Variants in EDAR observed in about 807,000 individuals in gnomAD.
EDAR encodes ectodysplasin A receptor.
Under a neutral mutation model 51.3 loss-of-function variants are expected in EDAR, and 38 were observed. The ratio of observed to expected loss-of-function variants is 0.74; its 90% confidence interval spans 0.57 to 0.97. The LOEUF is 0.97. Ranked by LOEUF, EDAR falls within the 50% of genes least tolerant of loss-of-function variation. The pLI is 0.00. For missense variants in EDAR, 528 were observed against 595.0 expected (o/e 0.89, Z 1.17); for synonymous variants, 227 against 242.1 (o/e 0.94, Z 0.58).
At chr2:108,962,194 A>G (rs1158237214) in intron 1 of EDAR, among the ~76,000 whole-genome samples, 1 of 152,212 alleles carries the variant, frequency 6.6e-6, no homozygotes, top group Non-Finnish European at 1.5e-5. Context: ...CAGATGGCGC[A>G]TTGCAGATTG....
At chr2:108,930,710 A>T (rs1039417645) in intron 2 of EDAR, among the ~76,000 whole-genome samples, 1 of 152,130 alleles carries the variant, frequency 6.6e-6, no homozygotes, top group Non-Finnish European at 1.5e-5. Context: ...TGTGTGTATC[A>T]CACCACAAAC....
chr2:108,986,348 G>A (rs1236752911), intron 1 of EDAR, among the ~76,000 whole-genome samples: 1 of 152,132 alleles, frequency 6.6e-6, no homozygotes, highest in East Asian at 1.9e-4. Flanking sequence ...GTGTGTCTGG[G>A]GCTGACACGA....
At chr2:108,911,345 G>C (rs1041083121) in intron 6 of EDAR, among the ~76,000 whole-genome samples, 1 of 152,158 alleles carries the variant, frequency 6.6e-6, no homozygotes, top group Non-Finnish European at 1.5e-5. Flanking sequence ...GTTTGCTCTT[G>C]CTTCTACTGC....
intron 5 of EDAR, among the ~76,000 whole-genome samples, chr2:108,919,842 G>A (rs1047725701): frequency 6.6e-6 from 1 of 152,158 alleles, no homozygotes; most frequent in Non-Finnish European, 1.5e-5. Flanking sequence ...AGTGGCTCCC[G>A]GCACCCTGAG....
intron 1 of EDAR, among the ~76,000 whole-genome samples, chr2:108,952,987 A>T (rs937067381): frequency 3.9e-5 from 6 of 152,186 alleles, no homozygotes; most frequent in African/African-American, 1.4e-4. Context: ...AGGTCTTTTT[A>T]AAAAACGTTT....
chr2:108,958,712 C>T (rs531835283), intron 1 of EDAR, among the ~76,000 whole-genome samples: 2 of 152,300 alleles, frequency 1.3e-5, no homozygotes, highest in Admixed American at 1.3e-4. Context: ...TGTTGGAACA[C>T]CCCTAGATAT....
chr2:108,909,650 C>A (rs2105398355), intron 9 of EDAR, among the ~76,000 whole-genome samples: 1 of 152,332 alleles, frequency 6.6e-6, no homozygotes, highest in East Asian at 1.9e-4. Context: ...TGGCTGGGAG[C>A]TGATGCTGTG....
chr2:108,974,171 A>T (rs941709246), intron 1 of EDAR, among the ~76,000 whole-genome samples: 1 of 150,228 alleles, frequency 6.7e-6, no homozygotes, highest in Non-Finnish European at 1.5e-5. Context: ...CTACTAAAAA[A>T]TACAAAAAAT....
rs796770590 is a variant in EDAR, at chr2:108,957,612, G to T, written c.-18-26580C>A. On this transcript the variant is annotated intron_variant, in intron 1 of 11. Coordinates refer to ENST00000258443, the MANE Select transcript of EDAR (RefSeq NM_022336.4). Reference sequence around the variant, plus strand: ...CAGCCACACACCTGGATAAACGTGGGTTAAGAGTAGGTGCCTCCAACTGCA... The same window carrying T: ...CAGCCACACACCTGGATAAACGTGGTTTAAGAGTAGGTGCCTCCAACTGCA... Among the ~76,000 whole-genome samples, 6 of 152,198 alleles carry T rather than the reference G, an allele frequency of 3.9e-5. No homozygotes were observed. The East Asian group carries it at 5.8e-4, about 15-fold the overall frequency.
chr2:108,938,822 A>C (rs1420614962), intron 1 of EDAR, among the ~76,000 whole-genome samples: 4 of 107,774 alleles, frequency 3.7e-5, no homozygotes, highest in African/African-American at 1.1e-4. Context: ...CTTGCTCTGT[A>C]GCCCAGGCTG....
intron 1 of EDAR, among the ~76,000 whole-genome samples, chr2:108,946,033 G>A (rs946958211): frequency 1.3e-5 from 2 of 152,172 alleles, no homozygotes; most frequent in African/African-American, 2.4e-5. Context: ...ACTAGTACTG[G>A]CAGCACTAGT....
At chr2:108,949,555 C>T (rs1697782703) in intron 1 of EDAR, among the ~76,000 whole-genome samples, 1 of 152,152 alleles carries the variant, frequency 6.6e-6, no homozygotes, top group Non-Finnish European at 1.5e-5. Context: ...CAAACCAGTG[C>T]ATGACTTGCA....
chr2:108,981,301 G>A lies in EDAR; in HGVS notation c.-19+7659C>T, dbSNP rs558828897. Among the ~76,000 whole-genome samples, 90 of 152,210 alleles carry A rather than the reference G, an allele frequency of 5.9e-4. 3 individuals are homozygous for A. The South Asian group carries it at 7.7e-3, about 13-fold the overall frequency. The stretch of plus-strand genomic sequence containing the variant: ...CAGCATTCTTTCCAGAGCCGCACCC[G>A]CCCCAGGTGGCTAGCCCATGCCAGT... On this transcript the variant is annotated intron_variant, in intron 1 of 11. Coordinates refer to ENST00000258443, the MANE Select transcript of EDAR (RefSeq NM_022336.4).
chr2:108,984,207 C>A (rs1250207918), intron 1 of EDAR, among the ~76,000 whole-genome samples: 10 of 152,148 alleles, frequency 6.6e-5, no homozygotes, highest in African/African-American at 2.4e-4. Flanking sequence ...CTGCTGCCTG[C>A]CCTTCCTGCC....
At position 108,987,664 on chromosome 2, in the gene EDAR, C is replaced by T. The variant is rs149003590; in HGVS notation, c.-19+1296G>A. On this transcript the variant is annotated intron_variant, in intron 1 of 11. Transcript: ENST00000258443. ...ACTGTGCTGTCACAAATTAATCCTC[C>T]CACAGCACAGCCTGGCCCACTTAGG... 3.3e-3 allele frequency among the ~76,000 whole-genome samples: 497 copies of T among 152,332 alleles called. 1 individual carries two copies. The highest frequency in any genetic ancestry group is 0.011 in the African/African-American group (461 of 41,576).
At chr2:108,912,593 C>T (rs2105405300) in intron 6 of EDAR, 85 bp downstream of exon 6, 2 of 1,298,296 alleles carry the variant, frequency 1.5e-6, no homozygotes, top group South Asian at 2.5e-5. Context: ...ATAATCATCA[C>T]TCATGATCAT....
chr2:108,941,579 C>A (rs1464096464), intron 1 of EDAR, among the ~76,000 whole-genome samples: 2 of 152,216 alleles, frequency 1.3e-5, no homozygotes, highest in African/African-American at 4.8e-5. Flanking sequence ...CAGCTGGGGG[C>A]ATGGCCAACA....
intron 1 of EDAR, among the ~76,000 whole-genome samples, chr2:108,966,412 G>A (rs1698151305): frequency 6.6e-6 from 1 of 152,210 alleles, no homozygotes; most frequent in African/African-American, 2.4e-5. Flanking sequence ...CCAGCCGCAG[G>A]CAGAGCTCCT....
At chr2:108,939,610 G>A (rs573314413) in intron 1 of EDAR, among the ~76,000 whole-genome samples, 6 of 152,208 alleles carry the variant, frequency 3.9e-5, no homozygotes, top group African/African-American at 1.2e-4. Context: ...AACATGTCCC[G>A]TTAGGAAGTG....
Sources: gnomAD v4.1 joint callset for allele counts (sites outside exome capture counted in the v4.1 genomes callset) on GRCh38, gnomAD v4.1.1 for gene constraint, MANE v1.5 for transcripts, NCBI Gene and HGNC (gene_info 2026-07-23, HGNC 2026-07-21) for gene names.